The following KBTBD12 variants were observed in gnomAD, a reference collection of about 807,000 sequenced individuals.
The protein encoded by KBTBD12 is kelch repeat and BTB domain containing 12, also known as kelch repeat and BTB domain-containing protein 12.
Under a neutral mutation model 58.7 loss-of-function variants are expected in KBTBD12, and 53 were observed. The ratio of observed to expected loss-of-function variants is 0.90; its 90% CI spans 0.72 to 1.14. KBTBD12 has a LOEUF of 1.14. Among genes scored for constraint, KBTBD12 ranks in the 50% most tolerant of loss-of-function variants. The probability of loss-of-function intolerance (pLI) is 0.00; values close to 1 mark genes in which losing one functional copy is unlikely to be tolerated. For synonymous variants in KBTBD12, 236 were observed against 259.8 expected, an observed-to-expected ratio of 0.91 and a Z score of 0.88; for missense variants, 704 against 751.3, an observed-to-expected ratio of 0.94 and a Z score of 0.74.
chr3:127,978,463 TC>T (rs1292282912), intron 5 of KBTBD12, among the ~76,000 whole-genome samples: 5 of 152,334 alleles, frequency 3.3e-5, no homozygotes, highest in Non-Finnish European at 5.9e-5. Flanking sequence ...CTCATTTTTT[TC>T]CCTTGATATT....
At chr3:127,952,688 T>C (rs967819400) in intron 4 of KBTBD12, among the ~76,000 whole-genome samples, 3 of 152,238 alleles carry the variant, frequency 2.0e-5, no homozygotes, top group African/African-American at 7.2e-5. Context: ...CTCAGACACT[T>C]GTTTTACATT....
intron 1 of KBTBD12, among the ~76,000 whole-genome samples, chr3:127,918,266 G>A (rs1180304429): frequency 6.6e-6 from 1 of 152,232 alleles, no homozygotes; most frequent in East Asian, 1.9e-4. Context: ...GGCAATAGCA[G>A]TGCAGCAACC....
intron 1 of KBTBD12, among the ~76,000 whole-genome samples, chr3:127,918,987 A>G (rs1576367491): frequency 6.6e-6 from 1 of 152,140 alleles, no homozygotes; most frequent in South Asian, 2.1e-4. Flanking sequence ...TTTTTTTTAA[A>G]CAGTGAAACT....
intron 4 of KBTBD12, among the ~76,000 whole-genome samples, chr3:127,935,476 A>G (rs1418848293): frequency 6.6e-6 from 1 of 152,162 alleles, no homozygotes; most frequent in Non-Finnish European, 1.5e-5. Context: ...AGTCAACTAA[A>G]GAAGCCAGGC....
intron 1 of KBTBD12, among the ~76,000 whole-genome samples, chr3:127,922,412 T>G (rs1208455275): frequency 6.6e-6 from 1 of 152,172 alleles, no homozygotes; most frequent in Non-Finnish European, 1.5e-5. Context: ...TTTGAATTAT[T>G]TGTCCCACAT....
At chr3:127,978,442 A>G (rs573753106) in intron 5 of KBTBD12, among the ~76,000 whole-genome samples, 8 of 152,270 alleles carry the variant, frequency 5.3e-5, no homozygotes, top group African/African-American at 1.7e-4. Context: ...CACCAAATCA[A>G]TAATAATTGT....
intron 5 of KBTBD12, among the ~76,000 whole-genome samples, chr3:127,981,546 T>C (rs1940871222): frequency 6.6e-6 from 1 of 152,204 alleles, no homozygotes; most frequent in Admixed American, 6.5e-5. Context: ...TTCATTAGGT[T>C]TTGGAGGAAA....
chr3:127,916,227 A>G (rs957432233), intron 1 of KBTBD12, among the ~76,000 whole-genome samples: 12 of 152,202 alleles, frequency 7.9e-5, no homozygotes, highest in Admixed American at 7.2e-4. Flanking sequence ...CTGTTACTGG[A>G]TGCCCGGTGT....
chr3:127,920,063 G>A (rs925244496), intron 1 of KBTBD12, among the ~76,000 whole-genome samples: 1 of 152,096 alleles, frequency 6.6e-6, no homozygotes, highest in African/African-American at 2.4e-5. Flanking sequence ...GGGAAACACT[G>A]TCTTGAAATT....
intron 5 of KBTBD12, among the ~76,000 whole-genome samples, chr3:127,972,077 T>A (rs1320764561): frequency 9.9e-5 from 15 of 152,220 alleles, no homozygotes; most frequent in Non-Finnish European, 1.6e-4. Context: ...CCAATGCAGA[T>A]TAAAATTGAC....
chr3:127,980,949 A>G (rs1036127918), intron 5 of KBTBD12, among the ~76,000 whole-genome samples: 1 of 147,564 alleles, frequency 6.8e-6, no homozygotes, highest in Non-Finnish European at 1.5e-5. Flanking sequence ...AAACAATAAT[A>G]CAATTAAGCC....
Position 127,971,724 on chromosome 3 carries a change from G to A in KBTBD12, c.1690+8338G>A, listed in dbSNP as rs936263191. Among the ~76,000 whole-genome samples, 38 of 152,320 alleles carry A rather than the reference G, an allele frequency of 2.5e-4. 1 individual carries two copies. Among genetic ancestry groups the A allele is most frequent in the African/African-American group, 8.9e-4 (37 of 41,576 alleles). On this transcript the variant is annotated intron_variant, in intron 5 of 5. Transcript: ENST00000405109. Reference sequence around the variant, plus strand: ...ATACTGGCTGCCAGTGGGACCCGCTGTGGGCAGGGGGATTTCTTCCCAGAG... The same window carrying A: ...ATACTGGCTGCCAGTGGGACCCGCTATGGGCAGGGGGATTTCTTCCCAGAG...
At chr3:127,961,227 A>G (rs1940432820) in intron 4 of KBTBD12, among the ~76,000 whole-genome samples, 1 of 152,208 alleles carries the variant, frequency 6.6e-6, no homozygotes, top group African/African-American at 2.4e-5. Context: ...CCCTACAAAT[A>G]GGAAACTCCA....
chr3:127,940,708 A>T (rs1453224197), intron 4 of KBTBD12, among the ~76,000 whole-genome samples: 2 of 151,984 alleles, frequency 1.3e-5, no homozygotes, highest in Non-Finnish European at 2.9e-5. Flanking sequence ...GTAAATAAAG[A>T]TAGGAGCAGA....
intron 5 of KBTBD12, among the ~76,000 whole-genome samples, chr3:127,972,525 G>C (rs189728250): frequency 6.7e-4 from 102 of 152,280 alleles, no homozygotes; most frequent in Admixed American, 2.5e-3. Context: ...AAACATGTTT[G>C]GTTCCAGCCC....
At chr3:127,966,654 A>T (rs1393460819) in intron 5 of KBTBD12, among the ~76,000 whole-genome samples, 1 of 152,204 alleles carries the variant, frequency 6.6e-6, no homozygotes, top group Non-Finnish European at 1.5e-5. Context: ...GAATAATAGG[A>T]GTTGGTCAAT....
intron 4 of KBTBD12, among the ~76,000 whole-genome samples, chr3:127,956,892 G>A (rs1373238110): frequency 6.6e-6 from 1 of 152,140 alleles, no homozygotes; most frequent in Non-Finnish European, 1.5e-5. Context: ...TATATCCATG[G>A]CATATTATAA....
At chr3:127,948,647 C>T (rs1327169969) in intron 4 of KBTBD12, among the ~76,000 whole-genome samples, 1 of 152,158 alleles carries the variant, frequency 6.6e-6, no homozygotes, top group Non-Finnish European at 1.5e-5. Context: ...ACAGATGGCC[C>T]TCATGGTGGC....
chr3:127,983,330 C>T (rs1425899792), intron 5 of KBTBD12, among the ~76,000 whole-genome samples: 1 of 152,250 alleles, frequency 6.6e-6, no homozygotes, highest in Admixed American at 6.5e-5. Flanking sequence ...CCCAGTGTAG[C>T]GGTGCTGGAG....
Sources: allele counts gnomAD v4.1 joint callset (sites outside exome capture counted in the v4.1 genomes callset), GRCh38; gene constraint gnomAD v4.1.1; transcripts MANE v1.5; gene names NCBI Gene and HGNC (gene_info 2026-07-23, HGNC 2026-07-21).